Variants in LRRC37A2 observed in about 807,000 individuals in gnomAD.
The protein encoded by LRRC37A2 is leucine rich repeat containing 37 member A2, also known as leucine-rich repeat-containing protein 37A2.
LRRC37A2 carries 9 observed loss-of-function variants against 68.8 expected under a neutral mutation model. That is an observed-to-expected ratio of 0.13 (90% CI 0.08 to 0.23). The LOEUF is 0.23. Ranked by LOEUF, LRRC37A2 falls within the 10% of genes least tolerant of loss-of-function variation. LRRC37A2 has a pLI of 1.00. For missense variants in LRRC37A2, 168 were observed against 950.4 expected (o/e 0.18, Z 10.82); for synonymous variants, 63 against 367.6 (o/e 0.17, Z 9.48).
At chr17:46,797,228 G>T in the LRRC37A2 span, among the ~76,000 whole-genome samples, 265 of 152,238 alleles carry the variant, frequency 1.7e-3, 1 homozygote, top group Middle Eastern at 6.8e-3. Flanking sequence ...GATTATGTGG[G>T]GCTGATGTTA....
the LRRC37A2 span, among the ~76,000 whole-genome samples, chr17:46,802,168 A>T: frequency 6.6e-6 from 1 of 152,228 alleles, no homozygotes; most frequent in Non-Finnish European, 1.5e-5. Context: ...TTTGTATGCT[A>T]ATGAGCTGAC....
the LRRC37A2 span, among the ~76,000 whole-genome samples, chr17:46,575,424 A>C: frequency 2.6e-5 from 4 of 151,550 alleles, no homozygotes; most frequent in Non-Finnish European, 5.9e-5. Flanking sequence ...CTGGGAGCGT[A>C]CTTGGTGTAG....
At chr17:47,019,745 G>T in the LRRC37A2 span, 11 of 478,968 alleles carry the variant, frequency 2.3e-5, no homozygotes, top group South Asian at 2.3e-4. Context: ...CAGAGCAGAG[G>T]CTCCGCAAGT....
the LRRC37A2 span, among the ~76,000 whole-genome samples, chr17:46,884,559 T>C: frequency 2.6e-5 from 4 of 152,230 alleles, no homozygotes; most frequent in African/African-American, 9.6e-5. Context: ...GTAAATGAAG[T>C]TGCTGCTCTG....
At chr17:46,685,518 G>A in the LRRC37A2 span, among the ~76,000 whole-genome samples, 2 of 151,998 alleles carry the variant, frequency 1.3e-5, no homozygotes, top group Admixed American at 6.6e-5. Context: ...TAGAACAGCC[G>A]CTTTTGAAAG....
chr17:46,838,802 CAT>C, the LRRC37A2 span, among the ~76,000 whole-genome samples: 1 of 152,066 alleles, frequency 6.6e-6, no homozygotes, highest in Non-Finnish European at 1.5e-5. Context: ...GATAATTTGG[CAT>C]AGAGGCCTGT....
At chr17:46,882,610 G>A in the LRRC37A2 span, among the ~76,000 whole-genome samples, 1 of 152,048 alleles carries the variant, frequency 6.6e-6, no homozygotes, top group African/African-American at 2.4e-5. Flanking sequence ...GGACATTCTG[G>A]AGGGAGAGGC....
At chr17:46,633,934 C>T in the LRRC37A2 span, among the ~76,000 whole-genome samples, 1 of 60,614 alleles carries the variant, frequency 1.6e-5, no homozygotes, top group Non-Finnish European at 2.7e-5. Flanking sequence ...TGCAATGGTG[C>T]GATCTTGGCT....
At chr17:46,845,092 A>T in the LRRC37A2 span, among the ~76,000 whole-genome samples, 2 of 152,072 alleles carry the variant, frequency 1.3e-5, no homozygotes, top group Non-Finnish European at 2.9e-5. Context: ...CAGGTGATCC[A>T]CTCGCCTCGG....
the LRRC37A2 span, among the ~76,000 whole-genome samples, chr17:46,806,207 C>CTT: frequency 5.2e-4 from 39 of 75,614 alleles, no homozygotes; most frequent in African/African-American, 2.0e-3. Flanking sequence ...TTTTCTTTTC[C>CTT]TTTTTTTTTT....
the LRRC37A2 span, among the ~76,000 whole-genome samples, chr17:46,496,387 T>C: frequency 6.7e-6 from 1 of 149,100 alleles, no homozygotes; most frequent in South Asian, 2.1e-4. Flanking sequence ...GTGGATCACC[T>C]GAGGTCAGGA....
chr17:47,018,685 C>T, the LRRC37A2 span: 2 of 1,520,442 alleles, frequency 1.3e-6, no homozygotes, highest in Admixed American at 1.7e-5. Flanking sequence ...CAGCAGGAGG[C>T]TGCAGCTGAG....
At chr17:46,462,102 G>A in the LRRC37A2 span, among the ~76,000 whole-genome samples, 3 of 82,064 alleles carry the variant, frequency 3.7e-5, 1 homozygote, top group African/African-American at 1.1e-4. Context: ...GGAGGAGCTG[G>A]GAAAGAAACA....
the LRRC37A2 span, among the ~76,000 whole-genome samples, chr17:46,872,252 T>C: frequency 1.3e-5 from 2 of 152,214 alleles, no homozygotes; most frequent in African/African-American, 2.4e-5. Context: ...ATGATTTTTC[T>C]AACTGGGCCA....
chr17:46,747,333 T>G, the LRRC37A2 span, among the ~76,000 whole-genome samples: 1 of 152,128 alleles, frequency 6.6e-6, no homozygotes, highest in African/African-American at 2.4e-5. Flanking sequence ...CAGGCAGGAG[T>G]GCAGTGGTGC....
the LRRC37A2 span, among the ~76,000 whole-genome samples, chr17:46,499,485 T>C: frequency 1.4e-5 from 2 of 147,892 alleles, no homozygotes; most frequent in African/African-American, 5.3e-5. Flanking sequence ...ACTTTACCCC[T>C]GCATCTCTGC....
At chr17:46,509,902 C>CCA (rs1250534575), upstream of LRRC37A2, among the ~76,000 whole-genome samples, 9 of 51,032 alleles carry the variant, frequency 1.8e-4, 4 homozygotes, top group Non-Finnish European at 3.1e-4. Context: ...GCAAGACACT[C>CCA]TCTCGAGGAA....
chr17:46,755,206 A>G, the LRRC37A2 span: 25 of 775,188 alleles, frequency 3.2e-5, no homozygotes, highest in East Asian at 6.4e-4. Flanking sequence ...TCAGTGACCT[A>G]GCAGAGCATT....
chr17:46,717,417 A>G, the LRRC37A2 span, among the ~76,000 whole-genome samples: 1 of 152,094 alleles, frequency 6.6e-6, no homozygotes, highest in African/African-American at 2.4e-5. Flanking sequence ...AATTAACTAT[A>G]CTTAAAAATC....
Sources: gnomAD v4.1 joint callset for allele counts (sites outside exome capture counted in the v4.1 genomes callset) on GRCh38, gnomAD v4.1.1 for gene constraint, MANE v1.5 for transcripts, NCBI Gene and HGNC (gene_info 2026-07-23, HGNC 2026-07-21) for gene names.